CIB1: variants seen among roughly 807,000 people sequenced by gnomAD.
CIB1 encodes the protein calcium and integrin-binding protein 1.
CIB1 carries 19 observed loss-of-function variants against 25.0 expected under a neutral mutation model. The ratio of observed to expected loss-of-function variants is 0.76; its 90% CI spans 0.53 to 1.12. The LOEUF is 1.12. Ranked by LOEUF, CIB1 falls within the 50% of genes most tolerant of loss-of-function variation. CIB1 has a pLI of 0.00. For missense variants in CIB1, 236 were observed against 242.6 expected (o/e 0.97, Z 0.18); for synonymous variants, 104 against 98.5 (o/e 1.06, Z -0.33).
chr15:90,263,818 G>A, the CIB1 span: 1 of 720,128 alleles, frequency 1.4e-6, no homozygotes, highest in African/African-American at 1.7e-5. Context: ...CCTAAGAGGG[G>A]CTGCCACAGA....
the CIB1 span, chr15:90,258,869 G>T: frequency 1.2e-6 from 2 of 1,614,192 alleles, no homozygotes; most frequent in Non-Finnish European, 1.7e-6. Flanking sequence ...GATGGAGGAG[G>T]ATAAGCGGCG....
chr15:90,256,599 TTC>T, the CIB1 span, among the ~76,000 whole-genome samples: 4 of 33,402 alleles, frequency 1.2e-4, no homozygotes, highest in African/African-American at 3.7e-4. Flanking sequence ...CTTTCTTTCT[TTC>T]TTTCTTTCCT....
rs2151634567 is a variant in CIB1, at chr15:90,230,950, A to T, written c.538T>A (p.Ser180Thr). 1 of 1,614,044 alleles carries T rather than the reference A, an allele frequency of 6.2e-7. No homozygotes were observed. Residue 180 changes from serine (S) to threonine (T), a missense_variant, in exon 6 of 7, where the codon TCT (serine) becomes ACT (threonine). Transcript: ENST00000328649. Reference sequence around the variant, plus strand: ...CTGTCATACCTGGCAAAGTCTGGAGAACGGGAGATGACGTGCTGGAACTCA... The same window carrying T: ...CTGTCATACCTGGCAAAGTCTGGAGTACGGGAGATGACGTGCTGGAACTCA... ...LSEFQHVISR[S>T]PDFASSFKIV...
chr15:90,249,463 G>A, the CIB1 span: 1 of 152,284 alleles, frequency 6.6e-6, no homozygotes, highest in African/African-American at 2.4e-5. Flanking sequence ...GCGCCCAAGT[G>A]GGTGTGGCTG....
At chr15:90,241,375 T>C in the CIB1 span, 1 of 1,614,082 alleles carries the variant, frequency 6.2e-7, no homozygotes, top group South Asian at 1.1e-5. Context: ...ATCCTGGTGG[T>C]GATCAACGTC....
At chr15:90,247,633 C>T in the CIB1 span, among the ~76,000 whole-genome samples, 1 of 151,570 alleles carries the variant, frequency 6.6e-6, no homozygotes, top group Non-Finnish European at 1.5e-5. Context: ...TGCTGTATCC[C>T]TGTATAGAGG....
At chr15:90,265,566 C>T in the CIB1 span, 1 of 1,389,042 alleles carries the variant, frequency 7.2e-7, no homozygotes, top group South Asian at 1.4e-5. Flanking sequence ...CACTGAGCAG[C>T]GTGAGCCCAG....
At chr15:90,245,463 A>C in the CIB1 span, 4 of 124,050 alleles carry the variant, frequency 3.2e-5, no homozygotes, top group Non-Finnish European at 6.3e-5. Context: ...GCAGAGAGAG[A>C]CTTTGTCTCA....
chr15:90,233,726 G>A, intron 1 of CIB1, 23 bp from the exon 2 acceptor site: 4 of 1,564,886 alleles, frequency 2.6e-6, no homozygotes, highest in East Asian at 2.4e-5. Flanking sequence ...GCCAGAGCGG[G>A]GATTAGCGGA....
chr15:90,262,314 T>C, the CIB1 span: 1 of 1,206,242 alleles, frequency 8.3e-7, no homozygotes, highest in East Asian at 2.6e-5. Flanking sequence ...ATAAATCCTA[T>C]CAGACTCTTA....
At chr15:90,231,859 C>T (rs1019687958) in intron 3 of CIB1, among the ~76,000 whole-genome samples, 3 of 152,252 alleles carry the variant, frequency 2.0e-5, no homozygotes, top group African/African-American at 7.2e-5. Context: ...TATTGTGTTA[C>T]AGGCACCGGG....
chr15:90,248,422 T>C, the CIB1 span, among the ~76,000 whole-genome samples: 2 of 152,098 alleles, frequency 1.3e-5, no homozygotes, highest in African/African-American at 2.4e-5. Flanking sequence ...AGAATGTCCA[T>C]GCCTTTTTTA....
At chr15:90,263,465 T>C in the CIB1 span, 1 of 483,392 alleles carries the variant, frequency 2.1e-6, no homozygotes, top group Non-Finnish European at 3.6e-6. Context: ...CCACCCTCAG[T>C]GGCTTCTGTA....
chr15:90,233,507 G>A (rs1481317963), intron 2 of CIB1, among the ~76,000 whole-genome samples, 162 bp downstream of exon 2: 1 of 152,230 alleles, frequency 6.6e-6, no homozygotes, highest in African/African-American at 2.4e-5. Context: ...GGCGGGGAGG[G>A]CGTGCCGGGA....
chr15:90,241,049 AC>A, the CIB1 span: 1 of 1,614,082 alleles, frequency 6.2e-7, no homozygotes, highest in South Asian at 1.1e-5. Context: ...CAAGGAATGC[AC>A]CTGGCATCCC....
the CIB1 span, among the ~76,000 whole-genome samples, chr15:90,256,908 G>A: frequency 6.6e-6 from 1 of 151,916 alleles, no homozygotes; most frequent in African/African-American, 2.4e-5. Flanking sequence ...GGCTGGTCTT[G>A]AACTCCTGAA....
the CIB1 span, among the ~76,000 whole-genome samples, chr15:90,261,381 T>C: frequency 2.2e-5 from 1 of 46,126 alleles, no homozygotes; most frequent in Non-Finnish European, 4.4e-5. Context: ...GCCCGGCCAC[T>C]TTTTTTTTTT....
chr15:90,257,861 CT>C, the CIB1 span: 1 of 959,964 alleles, frequency 1.0e-6, no homozygotes, highest in Non-Finnish European at 1.6e-6. Context: ...TGTGCCTGCA[CT>C]TTGGAGCTCT....
chr15:90,255,061 G>A, the CIB1 span, among the ~76,000 whole-genome samples: 1 of 152,244 alleles, frequency 6.6e-6, no homozygotes, highest in Non-Finnish European at 1.5e-5. Context: ...GGGAAACCCA[G>A]TGGAGAGCAC....
Sources: allele counts gnomAD v4.1 joint callset (sites outside exome capture counted in the v4.1 genomes callset), GRCh38; gene constraint gnomAD v4.1.1; transcripts MANE v1.5; gene names NCBI Gene and HGNC (gene_info 2026-07-23, HGNC 2026-07-21).